SPPL2A: variants seen among roughly 807,000 people sequenced by gnomAD.
SPPL2A encodes signal peptide peptidase like 2A, also known as signal peptide peptidase-like 2A.
SPPL2A carries 51 observed loss-of-function variants against 63.8 expected under a neutral mutation model. The observed-to-expected ratio is 0.80, with a 90% CI of 0.64 to 1.01. The LOEUF is 1.01. Among genes scored for constraint, SPPL2A ranks in the 50% least tolerant of loss-of-function variants. The pLI is 0.00. For synonymous variants in SPPL2A, 188 were observed against 205.8 expected (o/e 0.91, Z 0.74); for missense variants, 553 against 622.7 (o/e 0.89, Z 1.19).
rs1159725473 is a variant in SPPL2A, at chr15:50,765,272, AGAGGGTGGAAAAGAG to A, written c.66+181_66+195del. Among the ~76,000 whole-genome samples the A allele has an allele frequency of 1.3e-4, 20 of 152,136 alleles. No homozygotes were observed. The East Asian group carries it at 3.7e-3, about 28-fold the overall frequency. ...GTGGGGGGCGGGAAAGTTGGGGGAA[AGAGGGTGGAAAAGAG>A]GAGGGTGGAAGGAAAGAGATGAGTA... On this transcript the variant is annotated intron_variant, in intron 1 of 14. Coordinates refer to ENST00000261854, the MANE Select transcript of SPPL2A (RefSeq NM_032802.4).
chr15:50,746,090 A>G lies in SPPL2A; in HGVS notation c.584+1405T>C, dbSNP rs1275021286. On this transcript the variant is annotated intron_variant, in intron 5 of 14. Coordinates refer to ENST00000261854, the MANE Select transcript of SPPL2A (RefSeq NM_032802.4). Reference sequence around the variant, plus strand: ...AAATATATAATTTTTAATGTGAGAAATCCTAAAATTGAGAGATGCCTCAAT... The same window carrying G: ...AAATATATAATTTTTAATGTGAGAAGTCCTAAAATTGAGAGATGCCTCAAT... Among the ~76,000 whole-genome samples the G allele has an allele frequency of 2.6e-5, 4 of 151,890 alleles. No homozygotes were observed. The South Asian group carries it at 8.3e-4, about 32-fold the overall frequency.
chr15:50,734,125 C>T (rs2062751402), intron 8 of SPPL2A, among the ~76,000 whole-genome samples: 1 of 152,060 alleles, frequency 6.6e-6, no homozygotes, highest in African/African-American at 2.4e-5. Context: ...CCATATGATC[C>T]AGCAATCCCG....
rs1289066007 is a variant in SPPL2A, at chr15:50,703,352, A to ATTTTTTTTTTTT, written c.*4447_*4448insAAAAAAAAAAAA. On this transcript the variant is annotated 3_prime_UTR_variant, in exon 15 of 15. Coordinates refer to ENST00000261854, the MANE Select transcript of SPPL2A (RefSeq NM_032802.4). ...TATATATATATATATATATACATAT[A>ATTTTTTTTTTTT]TATATTTTTTTTTTTTTTTTTTTTT... 3.2e-5 allele frequency: 2 copies of ATTTTTTTTTTTT among 63,388 alleles called. No homozygotes were observed. The highest frequency in any genetic ancestry group is 1.3e-4 in the African/African-American group (2 of 15,836). The allele number at this position is 63,388 out of a possible 1,614,324, so 3.9% of individuals were successfully genotyped here.
At chr15:50,752,717 G>GAA (rs112938393) in intron 1 of SPPL2A, among the ~76,000 whole-genome samples, 5 of 130,754 alleles carry the variant, frequency 3.8e-5, no homozygotes, top group Admixed American at 1.6e-4. Flanking sequence ...GACTCCATCT[G>GAA]AAAAAAAAAA....
intron 1 of SPPL2A, among the ~76,000 whole-genome samples, chr15:50,753,465 T>A (rs1318907706): frequency 6.6e-6 from 1 of 152,214 alleles, no homozygotes; most frequent in Non-Finnish European, 1.5e-5. Context: ...GTTAAGAGCA[T>A]GAGTTTTTAA....
chr15:50,746,931 G>A (rs1048000622), intron 5 of SPPL2A: 6 of 152,640 alleles, frequency 3.9e-5, no homozygotes, highest in Admixed American at 2.6e-4. Flanking sequence ...GCCTCCCAAA[G>A]TGTTGGGATT....
chr15:50,740,441 A>AG (rs1567161292), intron 5 of SPPL2A, among the ~76,000 whole-genome samples: 1 of 148,950 alleles, frequency 6.7e-6, no homozygotes, highest in East Asian at 2.0e-4. Flanking sequence ...AAAAAAAAAA[A>AG]AAAAGAAAAA....
Position 50,724,034 on chromosome 15 carries a change from G to A in SPPL2A, c.1249+1187C>T, listed in dbSNP as rs2062667388. The stretch of plus-strand genomic sequence containing the variant: ...GAAGATCTTGTATAGCCCTTGGTGT[G>A]GAAATGGTAAAATCAGGCATAAGTT... On this transcript the variant is annotated intron_variant, in intron 12 of 14. Transcript: ENST00000261854. 2.6e-5 allele frequency among the ~76,000 whole-genome samples: 4 copies of A among 152,214 alleles called. No homozygotes were observed. The South Asian group carries it at 8.3e-4, about 32-fold the overall frequency.
Position 50,725,276 on chromosome 15 carries a change from C to T in SPPL2A, c.1194G>A (p.Met398Ile), listed in dbSNP as rs1183965582. Reference sequence around the variant, plus strand: ...TTGAAACAGGCATGAGGCACACACTCATTACTGAGAAATAGATCAGTTTTG... The same window carrying T: ...TTGAAACAGGCATGAGGCACACACTTATTACTGAGAAATAGATCAGTTTTG... Reference protein sequence around the residue: ...RVPKLIYFSVMSVCLMPVSIL... With the variant: ...RVPKLIYFSVISVCLMPVSIL... The change falls in exon 12 of 15, where the codon ATG becomes ATA. Residue 398 changes from methionine (M) to isoleucine (I), a missense_variant. Transcript: ENST00000261854. 6.2e-7 allele frequency: 1 copy of T among 1,609,866 alleles called. No individual in the cohort carries two copies. Among genetic ancestry groups the T allele is most frequent in the African/African-American group, 1.3e-5 (1 of 74,750 alleles).
At chr15:50,735,792 G>A (rs953983632) in intron 8 of SPPL2A, among the ~76,000 whole-genome samples, 2 of 152,062 alleles carry the variant, frequency 1.3e-5, no homozygotes, top group African/African-American at 4.8e-5. Context: ...GGTCAGGCTG[G>A]TCTCAAACTC....
chr15:50,721,583 C>T (rs1039714261), intron 13 of SPPL2A, among the ~76,000 whole-genome samples: 2 of 151,188 alleles, frequency 1.3e-5, no homozygotes, highest in Non-Finnish European at 2.9e-5. Flanking sequence ...GGCATGACCA[C>T]CACACACAGC....
Position 50,704,602 on chromosome 15 carries a change from C to A in SPPL2A, c.*3198G>T, listed in dbSNP as rs2141012506. ...TTTAAAGACATGTTTAGGGAAAAAA[C>A]CAGCTTCTCTTCCCCTTAAAGTTAT... On this transcript the variant is annotated 3_prime_UTR_variant, in exon 15 of 15. Transcript: ENST00000261854. 6.6e-6 allele frequency: 1 copy of A among 151,666 alleles called. No individual in the cohort carries two copies. The highest frequency in any genetic ancestry group is 6.6e-5 in the Admixed American group (1 of 15,220). The allele number at this position is 151,666 out of a possible 1,614,324, so 9.4% of individuals were successfully genotyped here. A position where few individuals can be genotyped will look rare whatever the true frequency, so the allele number is the denominator to read the frequency against.
intron 1 of SPPL2A, among the ~76,000 whole-genome samples, chr15:50,757,473 T>G (rs1479757318): frequency 4.6e-5 from 7 of 152,186 alleles, no homozygotes; most frequent in African/African-American, 1.7e-4. Context: ...TGCTCCTTAC[T>G]GCTCACCCCC....
intron 14 of SPPL2A, among the ~76,000 whole-genome samples, chr15:50,709,346 G>T (rs1252192992): frequency 6.6e-6 from 1 of 152,164 alleles, no homozygotes; most frequent in East Asian, 1.9e-4. Flanking sequence ...TTTTTGAAAA[G>T]TGGTTCTGAA....
rs1232335925 is a variant in SPPL2A, at chr15:50,738,109, G to A, written c.734-1369C>T. Among the ~76,000 whole-genome samples, 4 of 152,094 alleles carry A rather than the reference G, an allele frequency of 2.6e-5. No individual in the cohort carries two copies. The South Asian group carries it at 8.3e-4, about 31-fold the overall frequency. On this transcript the variant is annotated intron_variant, in intron 6 of 14. Transcript: ENST00000261854. ...TGAGGCAGGAGAATCGCTTGAATGC[G>A]AGAGGCAGAGGTTGCAGTGAACCCA...
chr15:50,719,428 T>C (rs970658914), intron 14 of SPPL2A, among the ~76,000 whole-genome samples: 5 of 152,010 alleles, frequency 3.3e-5, no homozygotes, highest in African/African-American at 1.2e-4. Flanking sequence ...GTATTTTTAG[T>C]AGAGACGGGT....
At chr15:50,751,270 T>C (rs947457991) in intron 1 of SPPL2A, among the ~76,000 whole-genome samples, 2 of 152,206 alleles carry the variant, frequency 1.3e-5, no homozygotes, top group African/African-American at 4.8e-5. Flanking sequence ...ATTCTTATGA[T>C]ATAACAAACT....
At chr15:50,709,858 A>C (rs2062543097) in intron 14 of SPPL2A, among the ~76,000 whole-genome samples, 1 of 152,124 alleles carries the variant, frequency 6.6e-6, no homozygotes, top group Non-Finnish European at 1.5e-5. Context: ...CAAGACCCAA[A>C]ACCATTTTGA....
intron 5 of SPPL2A, among the ~76,000 whole-genome samples, chr15:50,741,049 C>T (rs1410210662): frequency 1.1e-4 from 17 of 152,046 alleles, no homozygotes; most frequent in Admixed American, 9.2e-4. Context: ...TTTAAGATAA[C>T]GAAATATTGT....
Sources: allele counts gnomAD v4.1 joint callset (sites outside exome capture counted in the v4.1 genomes callset), GRCh38; gene constraint gnomAD v4.1.1; transcripts MANE v1.5; gene names NCBI Gene and HGNC (gene_info 2026-07-23, HGNC 2026-07-21).